DCHS1: variants seen among roughly 807,000 people sequenced by gnomAD.
The protein encoded by DCHS1 is protocadherin-16.
Under a neutral mutation model 213.9 loss-of-function variants are expected in DCHS1, and 78 were observed. The ratio of observed to expected loss-of-function variants is 0.36; its 90% CI spans 0.30 to 0.44. DCHS1 has a LOEUF of 0.44. Ranked by LOEUF, DCHS1 falls within the 20% of genes least tolerant of loss-of-function variation. DCHS1 has a pLI of 1.00. For synonymous variants in DCHS1, 1,828 were observed against 1,873.7 expected (o/e 0.98, Z 0.63); for missense variants, 3,946 against 4,395.9 (o/e 0.90, Z 2.89).
intron 1 of DCHS1, among the ~76,000 whole-genome samples, chr11:6,652,681 G>A (rs1192077537): frequency 1.3e-5 from 2 of 152,192 alleles, no homozygotes; most frequent in East Asian, 1.9e-4. Flanking sequence ...TAGGAAGGAA[G>A]GAGAAAAGAT....
chr11:6,624,539 T>G, intron 20 of DCHS1, 149 bp from the exon 21 acceptor site: 1 of 1,302,592 alleles, frequency 7.7e-7, no homozygotes, highest in East Asian at 2.5e-5. Context: ...GCCTCAAGGA[T>G]TCACAGCTTA....
chr11:6,650,858 G>A (rs1856232543), intron 1 of DCHS1, among the ~76,000 whole-genome samples: 1 of 152,238 alleles, frequency 6.6e-6, no homozygotes, highest in South Asian at 2.1e-4. Flanking sequence ...ATAAAGTACA[G>A]ATAAGGGAGA....
chr11:6,643,458 G>A (rs1856111119), intron 1 of DCHS1, among the ~76,000 whole-genome samples: 2 of 152,072 alleles, frequency 1.3e-5, no homozygotes, highest in Admixed American at 6.5e-5. Context: ...GGGTTATTCT[G>A]GAACTCTGAA....
chr11:6,637,136 C>T (rs962992808), intron 2 of DCHS1, among the ~76,000 whole-genome samples: 3 of 152,184 alleles, frequency 2.0e-5, no homozygotes, highest in Non-Finnish European at 2.9e-5. Flanking sequence ...CTGAGCTGTC[C>T]TGAGTTATTG....
intron 1 of DCHS1, among the ~76,000 whole-genome samples, chr11:6,654,418 G>A (rs1317154255): frequency 1.3e-5 from 2 of 152,198 alleles, no homozygotes; most frequent in East Asian, 1.9e-4. Flanking sequence ...GAGAGGTGCT[G>A]GTCTACTTGT....
At chr11:6,624,636 G>C in intron 20 of DCHS1, 94 bp downstream of exon 20, 1 of 1,556,572 alleles carries the variant, frequency 6.4e-7, no homozygotes, top group Non-Finnish European at 8.7e-7. Context: ...AGAGATCCAG[G>C]AGTTAAAGAG....
At chr11:6,624,490 A>AC in intron 20 of DCHS1, 100 bp from the exon 21 acceptor site, 1 of 1,387,738 alleles carries the variant, frequency 7.2e-7, no homozygotes. Context: ...TGGAAGTCAG[A>AC]CTCAGGGAAT....
At position 6,641,352 on chromosome 11, in the gene DCHS1, C is replaced by T. The variant is rs749530507; in HGVS notation, c.262G>A (p.Val88Met). 6 of 1,613,564 alleles carry T rather than the reference C, an allele frequency of 3.7e-6. No homozygotes were observed. Among genetic ancestry groups the T allele is most frequent in the East Asian group, 2.2e-5 (1 of 44,876 alleles). The part of the protein sequence containing the change: ...YFISAQEGSG[V>M]GTDLAIDEHS... ...TCGTCAATGGCCAGGTCTGTGCCCA[C>T]GCCGCTGCCCTCTTGGGCAGAGATG... Residue 88 changes from valine to methionine, a missense_variant, in exon 2 of 21, where the codon GTG (valine) becomes ATG (methionine). By Grantham distance (21) the Val-to-Met change is conservative (BLOSUM62 1). Transcript: ENST00000299441. The surrounding 1 kb of genome is among the most constrained non-coding windows in gnomAD (Gnocchi z 7.1).
rs377090826 is a variant in DCHS1, at chr11:6,623,712, C to T, written c.7964G>A (p.Ser2655Asn). 3 of 1,613,728 alleles carry T rather than the reference C, an allele frequency of 1.9e-6. No individual in the cohort carries two copies. Among genetic ancestry groups the T allele is most frequent in the South Asian group, 1.1e-5 (1 of 91,092 alleles). The change falls in exon 21 of 21, where the codon AGC (serine) becomes AAC (asparagine). Residue 2655 changes from serine (S) to asparagine (N), a missense_variant. Ser to Asn is a conservative substitution (Grantham distance 46, BLOSUM62 1). This residue lies in a region of DCHS1 where 3,384 missense variants were observed against 3,780.1 expected (regional missense o/e 0.90). Coordinates refer to ENST00000299441, the MANE Select transcript of DCHS1 (RefSeq NM_003737.4). Reference protein sequence around the residue: ...DPSGLFELDESSGTLRLAHAL... With the variant: ...DPSGLFELDENSGTLRLAHAL... ...ATGGGCCAGTCGCAAGGTGCCTGAG[C>T]TCTCATCCAGCTCAAAGAGCCCTGA...
intron 2 of DCHS1, chr11:6,634,974 A>G (rs1195291170): frequency 6.6e-6 from 1 of 152,236 alleles, no homozygotes; most frequent in Non-Finnish European, 1.5e-5. Flanking sequence ...AATTTTCGAG[A>G]TTAAGTGAAT....
At chr11:6,633,768 C>T (rs746867870) in intron 4 of DCHS1, 21 bp downstream of exon 4, 14 of 1,607,834 alleles carry the variant, frequency 8.7e-6, no homozygotes, top group Admixed American at 3.3e-5. Context: ...GGGAAGGCCC[C>T]GGGAATGGGA....
In DCHS1 at chr11:6,634,158, C is replaced by T; in HGVS notation, c.1946G>A (p.Gly649Glu). 6.2e-7 allele frequency: 1 copy of T among 1,610,378 alleles called. No individual in the cohort carries two copies. Among genetic ancestry groups the T allele is most frequent in the Non-Finnish European group, 8.5e-7 (1 of 1,177,424 alleles). Residue 649 changes from glycine (G) to glutamate (E), a missense_variant, in exon 3 of 21, where the codon GGG (glycine) becomes GAG (glutamate). Gly to Glu is a moderately conservative substitution (Grantham distance 98, BLOSUM62 -2). Transcript: ENST00000299441. ...CTTRTLDRDQ[G>E]PSSFDFTVTA... is the part of the protein sequence containing the mutation. Reference sequence around the variant, plus strand: ...CACTGTGAAGTCAAAGCTTGAGGGCCCCTGGTCACGGTCCAGGGTCCGGGT... The same window carrying T: ...CACTGTGAAGTCAAAGCTTGAGGGCTCCTGGTCACGGTCCAGGGTCCGGGT...
chr11:6,628,126 C>A lies in DCHS1; in HGVS notation c.5372-459G>T, dbSNP rs1438406264. On this transcript the variant is annotated intron_variant, in intron 13 of 20. Coordinates refer to ENST00000299441, the MANE Select transcript of DCHS1 (RefSeq NM_003737.4). This position sits in a 1 kb window ranked among gnomAD's most constrained non-coding sequence, Gnocchi z 4.3. Reference sequence around the variant, plus strand: ...TTTGTTCTGGCTATCTTCAATTATACCTGCTTTAATCTCTGAAATTAACTA... The same window carrying A: ...TTTGTTCTGGCTATCTTCAATTATAACTGCTTTAATCTCTGAAATTAACTA... Among the ~76,000 whole-genome samples, 1 of 152,226 alleles carries A rather than the reference C, an allele frequency of 6.6e-6. No individual in the cohort carries two copies. Among genetic ancestry groups the A allele is most frequent in the Non-Finnish European group, 1.5e-5 (1 of 68,046 alleles).
At chr11:6,649,425 A>G (rs979351545) in intron 1 of DCHS1, among the ~76,000 whole-genome samples, 1 of 152,048 alleles carries the variant, frequency 6.6e-6, no homozygotes, top group Non-Finnish European at 1.5e-5. Context: ...GACAATTGTC[A>G]GTCCAGGTGA....
At chr11:6,633,686 C>T (rs935131411) in intron 4 of DCHS1, 38 bp from the exon 5 acceptor site, 1 of 1,609,648 alleles carries the variant, frequency 6.2e-7, no homozygotes, top group Non-Finnish European at 8.5e-7. Flanking sequence ...TATAAGGAAA[C>T]ATAATAGGGC....
chr11:6,655,358 A>T (rs1042122285), intron 1 of DCHS1, among the ~76,000 whole-genome samples: 65 of 149,924 alleles, frequency 4.3e-4, no homozygotes, highest in African/African-American at 1.2e-3. Context: ...CCCCGACTCG[A>T]TGACACACGC....
chr11:6,630,184 G>T lies in DCHS1; in HGVS notation c.4610C>A (p.Thr1537Lys). The T allele has an allele frequency of 6.3e-7, 1 of 1,594,132 alleles. No homozygotes were observed. ...GACAGGCGCGTTGTCATTCTCATCC[G>T]TGACGAAGACGCGCGCTGAAACGCG... ...AARVSARVFV[T>K]DENDNAPVFA... The change falls in exon 10 of 21, where the codon ACG (threonine) becomes AAG (lysine). Residue 1537 changes from threonine to lysine, a missense_variant. Thr to Lys is a moderately conservative substitution (Grantham distance 78). Around this residue, in one of 3 missense-constraint regions of DCHS1, gnomAD observed 3,384 missense variants for 3,780.1 expected, o/e 0.90. Coordinates refer to ENST00000299441, the MANE Select transcript of DCHS1 (RefSeq NM_003737.4).
In DCHS1 at chr11:6,621,895, G is replaced by A. The variant is rs1163686528; in HGVS notation, c.9781C>T (p.Leu3261=). ...SPSFSPSLSP[L]AARSPVVSPF... is the part of the protein sequence containing the mutation. ...GAGACAACGGGTGAGCGAGCAGCCA[G>A]AGGAGACAGAGAGGGTGAGAAGCTG... Residue 3261 remains leucine (L), a synonymous_variant, in exon 21 of 21, where the codon CTG becomes TTG. Coordinates refer to ENST00000299441, the MANE Select transcript of DCHS1 (RefSeq NM_003737.4). 1.2e-6 allele frequency: 2 copies of A among 1,613,008 alleles called. No homozygotes were observed. Among genetic ancestry groups the A allele is most frequent in the African/African-American group, 1.3e-5 (1 of 75,050 alleles).
At position 6,634,286 on chromosome 11, in the gene DCHS1, A is replaced by G. The variant is rs763884021; in HGVS notation, c.1818T>C (p.Asp606=). 1.9e-6 allele frequency: 3 copies of G among 1,606,168 alleles called. No individual in the cohort carries two copies. In the Middle Eastern group the frequency reaches 5.0e-4, roughly 269 times the overall value. ...AGGAGAGGAGGCCAAATGGGCCACT[A>G]TCCGCGTCTGTGGCTGTCACCTAGG... The part of the protein sequence containing the change: ...CFLQVTATDA[D]SGPFGLLSYS... The change falls in exon 3 of 21, where the codon GAT becomes GAC. Residue 606 remains aspartate (D), a synonymous_variant. Coordinates refer to ENST00000299441, the MANE Select transcript of DCHS1 (RefSeq NM_003737.4).
Sources: gnomAD v4.1 joint callset for allele counts (sites outside exome capture counted in the v4.1 genomes callset) on GRCh38, gnomAD v4.1.1 for gene constraint, gnomAD v4.1.1 regional missense constraint, Gnocchi (gnomAD v3.1) non-coding constraint, MANE v1.5 for transcripts, NCBI Gene and HGNC (gene_info 2026-07-23, HGNC 2026-07-21) for gene names.